Variants in PADI4 observed in about 807,000 individuals in gnomAD.
PADI4 encodes peptidyl arginine deiminase 4.
A neutral mutation model predicts 75.0 loss-of-function variants in PADI4; 62 were observed. The ratio of observed to expected loss-of-function variants is 0.83; its 90% CI spans 0.67 to 1.02. The LOEUF (loss-of-function observed/expected upper bound fraction) is 1.02. Among genes scored for constraint, PADI4 ranks in the 50% least tolerant of loss-of-function variants. The probability of loss-of-function intolerance (pLI) is 0.00; values close to 1 mark genes in which losing one functional copy is unlikely to be tolerated. For synonymous variants in PADI4, 361 were observed against 348.1 expected (o/e 1.04, Z -0.41); for missense variants, 845 against 850.5 (o/e 0.99, Z 0.08).
At chr1:17,329,453 A>C (rs767337297) in intron 1 of PADI4, among the ~76,000 whole-genome samples, 2 of 152,206 alleles carry the variant, frequency 1.3e-5, no homozygotes, top group African/African-American at 4.8e-5. Context: ...TGTATGTTAC[A>C]TGTATTATAT....
rs143565531 is a variant in PADI4, at chr1:17,363,584, C to T, written c.1821C>T (p.Asn607=). ...GIPKPFGPVI[N]GRCCLEEKVC... ...CCAAGCCCTTCGGGCCCGTCATCAA[C>T]GGCCGCTGCTGCCTGGAGGAGAAGG... The change falls in exon 16 of 16, where the codon AAC becomes AAT. Residue 607 remains asparagine, a synonymous_variant. Coordinates refer to ENST00000375448, the MANE Select transcript of PADI4 (RefSeq NM_012387.3). 296 of 1,614,054 alleles carry T rather than the reference C, an allele frequency of 1.8e-4. 2 individuals are homozygous for T. Among genetic ancestry groups the T allele is most frequent in the South Asian group, 2.6e-4 (24 of 91,062 alleles).
intron 1 of PADI4, among the ~76,000 whole-genome samples, chr1:17,326,214 C>A (rs2074115268): frequency 6.6e-6 from 1 of 152,052 alleles, no homozygotes; most frequent in African/African-American, 2.4e-5. Flanking sequence ...TTCTAAGAAC[C>A]AACTTTTGGC....
At chr1:17,339,956 C>T (rs551345600) in intron 6 of PADI4, 143 bp downstream of exon 6, 41 of 827,544 alleles carry the variant, frequency 5.0e-5, no homozygotes, top group Middle Eastern at 5.4e-4. Context: ...GCAAGACAGA[C>T]GACATCTCGT....
intron 5 of PADI4, 37 bp from the exon 6 acceptor site, chr1:17,339,650 AG>A: frequency 1.2e-6 from 2 of 1,611,444 alleles, no homozygotes; most frequent in Non-Finnish European, 1.7e-6. Context: ...CAGCGGTCTC[AG>A]GGCCCTGTGA....
chr1:17,351,211 A>G (rs2074612907), intron 10 of PADI4, among the ~76,000 whole-genome samples: 2 of 150,948 alleles, frequency 1.3e-5, no homozygotes, highest in Admixed American at 6.6e-5. Context: ...GAAAAAAAAA[A>G]AAAAAAAAAG....
chr1:17,331,101 G>A lies in PADI4; in HGVS notation c.225G>A (p.Glu75=), dbSNP rs764148044. ...SSTWPLDPGV[E]VTLTMKVASG... The stretch of plus-strand genomic sequence containing the variant: ...CATGGCCCCTGGACCCTGGGGTAGA[G>A]GTGACCCTGACGATGAAAGTGGCCA... Residue 75 remains glutamate, a synonymous_variant, in exon 2 of 16, where the codon GAG becomes GAA. Coordinates refer to ENST00000375448, the MANE Select transcript of PADI4 (RefSeq NM_012387.3). 4 of 1,612,382 alleles carry A rather than the reference G, an allele frequency of 2.5e-6. No homozygotes were observed. In the East Asian group the frequency reaches 8.9e-5, roughly 36 times the overall value.
chr1:17,342,071 T>A lies in PADI4; in HGVS notation c.781T>A (p.Phe261Ile). The change falls in exon 7 of 16, where the codon TTC becomes ATC. Residue 261 changes from phenylalanine to isoleucine, a missense_variant. Physicochemically the swap from Phe to Ile is conservative, Grantham distance 21 (BLOSUM62 0). Transcript: ENST00000375448. ...VEALAFPDTD[F>I]PGLITLTISL... is the part of the protein sequence containing the mutation. ...GGCCCTCGCTTTCCCGGACACCGAC[T>A]TCCCGGGGCTCATTACCCTCACCAT... The A allele has an allele frequency of 1.2e-6, 2 of 1,614,090 alleles. No individual in the cohort carries two copies. Among genetic ancestry groups the A allele is most frequent in the Non-Finnish European group, 1.7e-6 (2 of 1,179,974 alleles).
Position 17,358,921 on chromosome 1 carries a change from G to A in PADI4, c.1629+13G>A, listed in dbSNP as rs1340010035. On this transcript the variant is annotated intron_variant, in intron 14 of 15. Transcript: ENST00000375448. ...TTCATTTGTGGAGGTAGGAGCCTGG[G>A]TGCCTACACCCCAGCAGACCTGACG... 1 of 1,586,214 alleles carries A rather than the reference G, an allele frequency of 6.3e-7. No individual in the cohort carries two copies. Among genetic ancestry groups the A allele is most frequent in the South Asian group, 1.1e-5 (1 of 88,950 alleles).
intron 15 of PADI4, among the ~76,000 whole-genome samples, chr1:17,359,850 G>A (rs2074824380): frequency 6.6e-6 from 1 of 152,242 alleles, no homozygotes; most frequent in African/African-American, 2.4e-5. Context: ...ACCAGTCCAA[G>A]GAGAGTGATG....
chr1:17,310,581 G>C (rs2073804963), intron 1 of PADI4, among the ~76,000 whole-genome samples: 1 of 151,920 alleles, frequency 6.6e-6, no homozygotes, highest in Admixed American at 6.6e-5. Context: ...GCCAAGATTG[G>C]GCTAGTGCAC....
intron 1 of PADI4, among the ~76,000 whole-genome samples, chr1:17,317,535 C>G (rs988519642): frequency 6.6e-6 from 1 of 151,712 alleles, no homozygotes; most frequent in African/African-American, 2.4e-5. Context: ...TCCCAAAGTG[C>G]TGGGATTACA....
At chr1:17,334,770 C>T (rs1236902162) in intron 3 of PADI4, 1 of 359,096 alleles carries the variant, frequency 2.8e-6, no homozygotes, top group Admixed American at 3.7e-5. Flanking sequence ...TAATGTTCTT[C>T]TTTAAATAAA....
rs78113854 is a variant in PADI4 at position 17,331,433 on chromosome 1, G to T, written c.273+284G>T. On this transcript the variant is annotated intron_variant, in intron 2 of 15. Coordinates refer to ENST00000375448, the MANE Select transcript of PADI4 (RefSeq NM_012387.3). The stretch of plus-strand genomic sequence containing the variant: ...GACACTGCCAGGCACTGGGAATCCA[G>T]AAATGAATAAGACAGCTGAGGGTGC... Among the ~76,000 whole-genome samples, 437 of 152,342 alleles carry T rather than the reference G, an allele frequency of 2.9e-3. 18 individuals carry two copies. The East Asian group carries it at 0.079, about 28-fold the overall frequency.
At chr1:17,341,138 C>A (rs1259181171) in intron 6 of PADI4, among the ~76,000 whole-genome samples, 2 of 140,400 alleles carry the variant, frequency 1.4e-5, no homozygotes, top group Non-Finnish European at 3.1e-5. Flanking sequence ...CTCTCTCTGT[C>A]GCCAGGCTGG....
At chr1:17,355,538 C>CAA (rs11364408) in intron 11 of PADI4, among the ~76,000 whole-genome samples, 21 of 134,760 alleles carry the variant, frequency 1.6e-4, no homozygotes, top group Admixed American at 1.5e-3. Flanking sequence ...GACTCTGTCT[C>CAA]AAAAAAAAAA....
chr1:17,346,918 A>G lies in PADI4; in HGVS notation c.1047+779A>G, dbSNP rs1161094389. On this transcript the variant is annotated intron_variant, in intron 9 of 15. Transcript: ENST00000375448. This position sits in a 1 kb window ranked among gnomAD's most constrained non-coding sequence, Gnocchi z 4.3. ...CTCTTTCTTTTCACCCCCACACAAC[A>G]TCCTTTCTTCCTTTCTTGCCATTCC... Among the ~76,000 whole-genome samples the G allele has an allele frequency of 4.8e-5, 7 of 147,036 alleles. No individual in the cohort carries two copies. Among genetic ancestry groups the G allele is most frequent in the Non-Finnish European group, 1.1e-4 (7 of 66,568 alleles).
intron 1 of PADI4, among the ~76,000 whole-genome samples, chr1:17,311,614 T>G (rs1283922258): frequency 2.0e-5 from 3 of 151,172 alleles, no homozygotes; most frequent in African/African-American, 7.3e-5. Flanking sequence ...AAGCTCCACC[T>G]CCCGGGTTCA....
At chr1:17,347,306 A>G (rs2100757081) in intron 9 of PADI4, among the ~76,000 whole-genome samples, 1 of 152,316 alleles carries the variant, frequency 6.6e-6, no homozygotes, top group Non-Finnish European at 1.5e-5. Flanking sequence ...TTGATTTGCA[A>G]GAGTGGAACT....
intron 1 of PADI4, among the ~76,000 whole-genome samples, chr1:17,322,229 T>C (rs560241757): frequency 1.3e-5 from 2 of 152,350 alleles, no homozygotes; most frequent in South Asian, 2.1e-4. Flanking sequence ...GGCTCATGCC[T>C]GTAATCCCAA....
Sources: gnomAD v4.1 joint callset for allele counts (sites outside exome capture counted in the v4.1 genomes callset) on GRCh38, gnomAD v4.1.1 for gene constraint, Gnocchi (gnomAD v3.1) non-coding constraint, MANE v1.5 for transcripts, NCBI Gene and HGNC (gene_info 2026-07-23, HGNC 2026-07-21) for gene names.